NPAS2: variants seen among roughly 807,000 people sequenced by gnomAD.
NPAS2 encodes the protein neuronal PAS domain protein 2.
NPAS2 carries 23 observed loss-of-function variants against 107.5 expected under a neutral mutation model. The observed-to-expected ratio is 0.21, with a 90% confidence interval of 0.15 to 0.30. The LOEUF is 0.30. NPAS2 is among the 10% of genes least tolerant of loss of function. The probability of loss-of-function intolerance (pLI) is 1.00; values close to 1 mark genes in which losing one functional copy is unlikely to be tolerated. For synonymous variants in NPAS2, 403 were observed against 417.5 expected (o/e 0.97, Z 0.42); for missense variants, 756 against 1,043.3 (o/e 0.72, Z 3.79).
At chr2:100,868,955 T>C (rs1244136382) in intron 1 of NPAS2, among the ~76,000 whole-genome samples, 1 of 152,148 alleles carries the variant, frequency 6.6e-6, no homozygotes, top group Non-Finnish European at 1.5e-5. Context: ...TTTTTTGAGA[T>C]GGAATCTCAT....
intron 1 of NPAS2, among the ~76,000 whole-genome samples, chr2:100,873,364 G>GTA (rs202154604): frequency 1.3e-4 from 16 of 122,938 alleles, no homozygotes; most frequent in South Asian, 2.7e-4. Flanking sequence ...ACACATATGT[G>GTA]TATATATATA....
In NPAS2 at chr2:100,820,915, G is replaced by A; in HGVS notation, c.-23+501G>A. The A allele has an allele frequency of 1.6e-6, 1 of 636,358 alleles. No homozygotes were observed. Among genetic ancestry groups the A allele is most frequent in the Non-Finnish European group, 2.4e-6 (1 of 421,708 alleles). The allele number at this position is 636,358 out of a possible 1,614,324, so 39.4% of individuals were successfully genotyped here. A position where few individuals can be genotyped will look rare whatever the true frequency, so the allele number is the denominator to read the frequency against. On this transcript the variant is annotated intron_variant, in intron 1 of 20. Transcript: ENST00000335681. The surrounding 1 kb of genome is among the most constrained non-coding windows in gnomAD (Gnocchi z 5.6). The stretch of plus-strand genomic sequence containing the variant: ...CCTGGGTCGGAATTGGTTCCGGGCC[G>A]GATTGGGTGCGGAATCGGTGCCCCC...
intron 16 of NPAS2, 90 bp from the exon 17 acceptor site, chr2:100,987,989 G>T: frequency 1.4e-6 from 2 of 1,393,988 alleles, no homozygotes. Flanking sequence ...GAGCAAGAAA[G>T]TTCTTACTGG....
At chr2:100,939,722 A>G (rs958622051) in intron 5 of NPAS2, among the ~76,000 whole-genome samples, 1 of 152,196 alleles carries the variant, frequency 6.6e-6, no homozygotes, top group Non-Finnish European at 1.5e-5. Flanking sequence ...GTTTGGGTAA[A>G]CAGGATTTGC....
Position 100,971,093 on chromosome 2 carries a change from G to A in NPAS2, c.1140+19G>A, listed in dbSNP as rs751543336. 8.7e-6 allele frequency: 14 copies of A among 1,610,394 alleles called. No homozygotes were observed. In the African/African-American group the frequency reaches 1.2e-4, roughly 14 times the overall value. On this transcript the variant is annotated intron_variant, in intron 12 of 20. Coordinates refer to ENST00000335681, the MANE Select transcript of NPAS2 (RefSeq NM_002518.4). ...ACTAAAGGTACGCCCATCCCTGCCA[G>A]ATGGATACGGCAAAGGTTGGCTAGG...
intron 1 of NPAS2, among the ~76,000 whole-genome samples, chr2:100,851,554 C>G (rs1222450381): frequency 1.3e-5 from 2 of 152,204 alleles, no homozygotes; most frequent in Non-Finnish European, 2.9e-5. Flanking sequence ...GAAGCCAAGA[C>G]TCTTGAAAAG....
At chr2:100,857,404 A>G (rs1573479262) in intron 1 of NPAS2, among the ~76,000 whole-genome samples, 1 of 152,108 alleles carries the variant, frequency 6.6e-6, no homozygotes, top group Non-Finnish European at 1.5e-5. Context: ...TGGCAGGGAC[A>G]TGGAAATAAA....
At chr2:100,907,220 C>T (rs1472212876) in intron 2 of NPAS2, among the ~76,000 whole-genome samples, 1 of 152,088 alleles carries the variant, frequency 6.6e-6, no homozygotes, top group Admixed American at 6.5e-5. Context: ...CAAATATAGA[C>T]ATGCCAAAAA....
intron 1 of NPAS2, among the ~76,000 whole-genome samples, chr2:100,844,438 C>T (rs905185667): frequency 2.6e-5 from 4 of 152,104 alleles, no homozygotes; most frequent in Admixed American, 6.5e-5. Flanking sequence ...AAAAGTTCAC[C>T]TTTCTTTGCT....
chr2:100,879,649 T>C (rs1680210995), intron 1 of NPAS2, among the ~76,000 whole-genome samples: 1 of 152,222 alleles, frequency 6.6e-6, no homozygotes, highest in Non-Finnish European at 1.5e-5. Context: ...GGCCCGACCA[T>C]GTTGTGGGAA....
chr2:100,874,554 C>T (rs1299872481), intron 1 of NPAS2, among the ~76,000 whole-genome samples: 1 of 151,930 alleles, frequency 6.6e-6, no homozygotes, highest in Non-Finnish European at 1.5e-5. Context: ...CCAGCCTGAC[C>T]AGCATGGTGA....
intron 7 of NPAS2, among the ~76,000 whole-genome samples, chr2:100,952,615 C>T (rs942077378): frequency 1.3e-5 from 2 of 152,014 alleles, no homozygotes; most frequent in African/African-American, 4.8e-5. Flanking sequence ...GATTGGCTGG[C>T]GAACAGCAGT....
At chr2:100,825,031 A>G (rs1256041778) in intron 1 of NPAS2, among the ~76,000 whole-genome samples, 1 of 152,144 alleles carries the variant, frequency 6.6e-6, no homozygotes, top group African/African-American at 2.4e-5. Flanking sequence ...TGAAGCTGAG[A>G]GGTTGGACCC....
At chr2:100,856,351 C>T (rs527315808) in intron 1 of NPAS2, among the ~76,000 whole-genome samples, 4 of 152,296 alleles carry the variant, frequency 2.6e-5, no homozygotes, top group Admixed American at 2.6e-4. Context: ...TCCACATTCC[C>T]GAGCACAGGC....
chr2:100,884,938 T>TTA (rs151010069), intron 1 of NPAS2, among the ~76,000 whole-genome samples: 1,608 of 147,588 alleles, frequency 0.011, 28 homozygotes, highest in African/African-American at 0.038. Flanking sequence ...CTAAGATCCT[T>TTA]TATATATATA....
chr2:100,964,832 C>CTT (rs34961878), intron 8 of NPAS2, 29 bp from the exon 9 acceptor site: 146,655 of 1,204,658 alleles, frequency 0.12, 4,492 homozygotes, highest in East Asian at 0.36. Context: ...ACCCAAGCAA[C>CTT]TTTTTTTTTT....
intron 16 of NPAS2, chr2:100,985,246 C>T (rs1425182337): frequency 6.6e-6 from 1 of 152,602 alleles, no homozygotes; most frequent in Admixed American, 6.5e-5. Context: ...ATCCTTCCAT[C>T]CGTCCTTCCA....
intron 2 of NPAS2, among the ~76,000 whole-genome samples, chr2:100,910,064 T>C (rs1682445183): frequency 6.6e-6 from 1 of 152,116 alleles, no homozygotes; most frequent in African/African-American, 2.4e-5. Context: ...TTCAAGGAGA[T>C]CCAGAACCTC....
intron 5 of NPAS2, among the ~76,000 whole-genome samples, chr2:100,942,866 G>A (rs180751393): frequency 6.6e-6 from 1 of 152,154 alleles, no homozygotes; most frequent in African/African-American, 2.4e-5. Flanking sequence ...TTCTCCTTTT[G>A]CTCAACATCG....
Sources: gnomAD v4.1 joint callset for allele counts (sites outside exome capture counted in the v4.1 genomes callset) on GRCh38, gnomAD v4.1.1 for gene constraint, Gnocchi (gnomAD v3.1) non-coding constraint, MANE v1.5 for transcripts, NCBI Gene and HGNC (gene_info 2026-07-23, HGNC 2026-07-21) for gene names.